Variants in PPARD observed in about 807,000 individuals in gnomAD.
The protein encoded by PPARD is peroxisome proliferator activated receptor delta.
In PPARD, 6 loss-of-function variants were observed where a neutral mutation model predicts 39.5. The observed-to-expected ratio is 0.15, with a 90% confidence interval of 0.08 to 0.30. The LOEUF is 0.30. Among genes scored for constraint, PPARD ranks in the 10% least tolerant of loss-of-function variants. The probability of loss-of-function intolerance (pLI) is 1.00; values close to 1 mark genes in which losing one functional copy is unlikely to be tolerated. For missense variants in PPARD, 397 were observed against 596.8 expected (o/e 0.67, Z 3.49); for synonymous variants, 210 against 231.3 (o/e 0.91, Z 0.83).
intron 1 of PPARD, among the ~76,000 whole-genome samples, chr6:35,345,123 G>C (rs74696004): frequency 0.011 from 1,718 of 152,238 alleles, 44 homozygotes; most frequent in African/African-American, 0.038. Context: ...TTTGAGAACA[G>C]GTCAAGGCCA....
chr6:35,417,753 A>G (rs924332143), intron 3 of PPARD, among the ~76,000 whole-genome samples: 9 of 148,586 alleles, frequency 6.1e-5, no homozygotes, highest in African/African-American at 2.3e-4. Flanking sequence ...GATGGTTTCA[A>G]TCTCTTGACC....
chr6:35,399,425 G>A (rs1196154410), intron 2 of PPARD, among the ~76,000 whole-genome samples: 1 of 148,614 alleles, frequency 6.7e-6, no homozygotes, highest in Non-Finnish European at 1.5e-5. Context: ...AAAAACAAAG[G>A]CTGGGTGCAG....
intron 2 of PPARD, among the ~76,000 whole-genome samples, chr6:35,393,441 C>T (rs1764133569): frequency 6.6e-6 from 1 of 152,180 alleles, no homozygotes; most frequent in African/African-American, 2.4e-5. Context: ...CGTGTGAGAC[C>T]TTGCACTCTC....
At chr6:35,408,593 A>C (rs1765213770) in intron 2 of PPARD, among the ~76,000 whole-genome samples, 1 of 152,236 alleles carries the variant, frequency 6.6e-6, no homozygotes, top group Non-Finnish European at 1.5e-5. Context: ...AATGCAGTGT[A>C]AATGAGTAAA....
chr6:35,398,930 A>G (rs1398629357), intron 2 of PPARD, among the ~76,000 whole-genome samples: 6 of 151,698 alleles, frequency 4.0e-5, no homozygotes, highest in African/African-American at 1.5e-4. Flanking sequence ...CCTGGCCCAC[A>G]TGGTGAAACC....
At chr6:35,403,145 T>C (rs1481971874) in intron 2 of PPARD, among the ~76,000 whole-genome samples, 2 of 152,226 alleles carry the variant, frequency 1.3e-5, no homozygotes, top group African/African-American at 4.8e-5. Context: ...AAGTTCTGTC[T>C]GTGGAGGTCC....
At chr6:35,418,213 A>C (rs1765902177) in intron 3 of PPARD, among the ~76,000 whole-genome samples, 1 of 152,262 alleles carries the variant, frequency 6.6e-6, no homozygotes, top group Non-Finnish European at 1.5e-5. Flanking sequence ...GACTGCACAG[A>C]TTCAAGGAGG....
chr6:35,383,185 G>T (rs888310399), intron 2 of PPARD, among the ~76,000 whole-genome samples: 1 of 152,210 alleles, frequency 6.6e-6, no homozygotes, highest in South Asian at 2.1e-4. Flanking sequence ...ACCCACTGGT[G>T]CTGGAGTTCA....
Position 35,425,764 on chromosome 6 carries a change from T to C in PPARD, c.1079-68T>C. 6.3e-7 allele frequency: 1 copy of C among 1,583,130 alleles called. No homozygotes were observed. The highest frequency in any genetic ancestry group is 1.2e-5 in the South Asian group (1 of 86,700). On this transcript the variant is annotated intron_variant, in intron 7 of 7. Coordinates refer to ENST00000360694, the MANE Select transcript of PPARD (RefSeq NM_006238.5). This position sits in a 1 kb window ranked among gnomAD's most constrained non-coding sequence, Gnocchi z 4.5. ...CTGCCGTCCCCTGGGCCAAGTCACC[T>C]CTTGGGGTGGAAGTAGGGGAGCTCC...
chr6:35,362,564 C>T (rs1398257428), intron 2 of PPARD, among the ~76,000 whole-genome samples: 1 of 151,570 alleles, frequency 6.6e-6, no homozygotes, highest in Non-Finnish European at 1.5e-5. Context: ...GATGCACAGA[C>T]AGTATATAGG....
chr6:35,354,231 CAAAAAAA>C (rs1347497564), intron 2 of PPARD, among the ~76,000 whole-genome samples: 2 of 31,630 alleles, frequency 6.3e-5, no homozygotes, highest in Non-Finnish European at 1.3e-4. Context: ...GACTCCGTCT[CAAAAAAA>C]AAAAAAAAAA....
chr6:35,348,764 C>G, intron 2 of PPARD: 2 of 985,338 alleles, frequency 2.0e-6, no homozygotes, highest in Non-Finnish European at 2.4e-6. Context: ...CAAACCCATA[C>G]CAAGTGCTTT....
chr6:35,365,510 T>TA (rs1762167293), intron 2 of PPARD, among the ~76,000 whole-genome samples: 1 of 128,140 alleles, frequency 7.8e-6, no homozygotes, highest in Admixed American at 7.6e-5. Flanking sequence ...TTTTTTTTTT[T>TA]AGACAGATTT....
intron 3 of PPARD, among the ~76,000 whole-genome samples, chr6:35,417,656 C>T (rs1307237125): frequency 3.3e-5 from 5 of 152,128 alleles, no homozygotes; most frequent in African/African-American, 9.6e-5. Context: ...CTTAGCCTCC[C>T]GAGTAGCTGG....
chr6:35,380,476 G>GTTTTTTTT (rs71002557), intron 2 of PPARD, among the ~76,000 whole-genome samples: 46 of 67,142 alleles, frequency 6.9e-4, no homozygotes, highest in Non-Finnish European at 1.0e-3. Context: ...TTTTTTGTTT[G>GTTTTTTTT]TTTTTTTTTT....
intron 2 of PPARD, chr6:35,348,426 C>T: frequency 2.0e-6 from 2 of 985,396 alleles, no homozygotes; most frequent in South Asian, 9.4e-5. Flanking sequence ...TTTCCATGTT[C>T]TCAGGATGCC....
intron 2 of PPARD, among the ~76,000 whole-genome samples, chr6:35,350,168 T>G (rs1350510581): frequency 6.6e-6 from 1 of 152,220 alleles, no homozygotes; most frequent in African/African-American, 2.4e-5. Flanking sequence ...CCTTGTGAAA[T>G]GGGTAGTTTG....
chr6:35,370,869 C>G (rs1013781950), intron 2 of PPARD, among the ~76,000 whole-genome samples: 3 of 152,196 alleles, frequency 2.0e-5, no homozygotes, highest in Non-Finnish European at 4.4e-5. Context: ...GGAGCTCACA[C>G]GAGCCCCATG....
chr6:35,372,155 C>T (rs1219491049), intron 2 of PPARD, among the ~76,000 whole-genome samples: 1 of 152,176 alleles, frequency 6.6e-6, no homozygotes, highest in Non-Finnish European at 1.5e-5. Flanking sequence ...TAGCACTGTG[C>T]CTGACACTCT....
Sources: allele counts gnomAD v4.1 joint callset (sites outside exome capture counted in the v4.1 genomes callset), GRCh38; gene constraint gnomAD v4.1.1; non-coding constraint Gnocchi (gnomAD v3.1); transcripts MANE v1.5; gene names NCBI Gene and HGNC (gene_info 2026-07-23, HGNC 2026-07-21).